Variants in SPON1 observed in about 807,000 individuals in gnomAD.
SPON1 encodes spondin 1.
Under a neutral mutation model 111.7 loss-of-function variants are expected in SPON1, and 52 were observed. That is an observed-to-expected ratio of 0.47 (90% CI 0.37 to 0.59). The LOEUF (loss-of-function observed/expected upper bound fraction) is 0.59. SPON1 is among the 20% of genes least tolerant of loss of function. The pLI is 0.00. For missense variants in SPON1, 957 were observed against 1,068.5 expected (o/e 0.90, Z 1.46); for synonymous variants, 410 against 395.8 (o/e 1.04, Z -0.43).
At chr11:14,239,389 T>C (rs147131410) in intron 6 of SPON1, among the ~76,000 whole-genome samples, 2,838 of 152,268 alleles carry the variant, frequency 0.019, 44 homozygotes, top group Middle Eastern at 0.034. Context: ...TTTTACCCTA[T>C]TTCACAGATG....
In SPON1 at chr11:14,077,776, T is replaced by C. The variant is rs140011465; in HGVS notation, c.554-2123T>C. On this transcript the variant is annotated intron_variant, in intron 4 of 15. Transcript: ENST00000576479. ...CTGGAATTACAGGCATGAGCTACCG[T>C]GCCCGGCCCTGCATACACATACTTT... Among the ~76,000 whole-genome samples, 120 of 150,736 alleles carry C rather than the reference T, an allele frequency of 8.0e-4. 2 individuals carry two copies. In the East Asian group the frequency reaches 0.022, roughly 27 times the overall value.
At chr11:14,175,571 A>G (rs1228092374) in intron 6 of SPON1, among the ~76,000 whole-genome samples, 2 of 152,204 alleles carry the variant, frequency 1.3e-5, no homozygotes, top group African/African-American at 4.8e-5. Context: ...CTACAGCCTA[A>G]GACTAGTCTC....
chr11:14,226,808 T>A (rs1848744553), intron 6 of SPON1, among the ~76,000 whole-genome samples: 1 of 152,192 alleles, frequency 6.6e-6, no homozygotes, highest in African/African-American at 2.4e-5. Flanking sequence ...AAATGAGTCT[T>A]ACAGGGCTGA....
chr11:14,082,968 T>C (rs1848975607), intron 5 of SPON1, among the ~76,000 whole-genome samples: 1 of 152,186 alleles, frequency 6.6e-6, no homozygotes, highest in African/African-American at 2.4e-5. Flanking sequence ...ACCGCTTTTG[T>C]ATGCTTAAAA....
At position 14,243,379 on chromosome 11, in the gene SPON1, C is replaced by A; in HGVS notation, c.873C>A (p.Ala291=). Residue 291 remains alanine, a synonymous_variant, in exon 7 of 16, where the codon GCC becomes GCA. Coordinates refer to ENST00000576479, the MANE Select transcript of SPON1 (RefSeq NM_006108.4). ...TCAAAGCCAAAGCCCAATGGCCAGC[C>A]TGGCAGCCTCTCAACGTGTAAGTAA... ...TVIKAKAQWP[A]WQPLNVRAAP... is the part of the protein sequence containing the mutation. 1 of 1,576,316 alleles carries A rather than the reference C, an allele frequency of 6.3e-7. No individual in the cohort carries two copies. Among genetic ancestry groups the A allele is most frequent in the East Asian group, 2.3e-5 (1 of 43,206 alleles).
chr11:14,081,060 G>A (rs1470897495), intron 5 of SPON1, among the ~76,000 whole-genome samples: 1 of 151,726 alleles, frequency 6.6e-6, no homozygotes, highest in East Asian at 1.9e-4. Context: ...CTCCAGCCTG[G>A]GCAGCAGAGC....
At chr11:14,186,161 T>G (rs570131183) in intron 6 of SPON1, among the ~76,000 whole-genome samples, 2 of 152,352 alleles carry the variant, frequency 1.3e-5, no homozygotes, top group Middle Eastern at 6.8e-3. Flanking sequence ...CAGACACATG[T>G]GACAAGTTAA....
At chr11:14,148,093 T>C (rs1591389135) in intron 6 of SPON1, among the ~76,000 whole-genome samples, 1 of 152,178 alleles carries the variant, frequency 6.6e-6, no homozygotes, top group Non-Finnish European at 1.5e-5. Context: ...TACACAGATA[T>C]ACTCACATTT....
intron 6 of SPON1, among the ~76,000 whole-genome samples, chr11:14,158,959 G>T (rs1385239224): frequency 1.3e-5 from 2 of 151,388 alleles, no homozygotes; most frequent in Admixed American, 1.3e-4. Flanking sequence ...GTCTGCAATT[G>T]TTCAAATCTT....
intron 6 of SPON1, among the ~76,000 whole-genome samples, chr11:14,157,239 G>A (rs1416527661): frequency 1.3e-5 from 2 of 151,934 alleles, no homozygotes; most frequent in African/African-American, 4.8e-5. Flanking sequence ...TTTAGAATTT[G>A]CAGGCAAAGA....
At chr11:14,084,292 T>TC (rs2133834520) in intron 5 of SPON1, among the ~76,000 whole-genome samples, 1 of 152,268 alleles carries the variant, frequency 6.6e-6, no homozygotes, top group Non-Finnish European at 1.5e-5. Context: ...ATGCTCTCCC[T>TC]CCCCTTGCCC....
At chr11:14,005,727 T>TATTA (rs61510126) in intron 2 of SPON1, among the ~76,000 whole-genome samples, 112,690 of 151,642 alleles carry the variant, frequency 0.74, 42,084 homozygotes, top group East Asian at 0.81. Flanking sequence ...AGTTGCTAAG[T>TATTA]ATTATTATAA....
intron 6 of SPON1, among the ~76,000 whole-genome samples, chr11:14,191,265 A>G (rs1037693445): frequency 2.0e-5 from 3 of 152,206 alleles, no homozygotes; most frequent in Non-Finnish European, 4.4e-5. Context: ...AGGTGGACCA[A>G]TGAGAACTAG....
At chr11:14,187,053 C>T (rs373472268) in intron 6 of SPON1, among the ~76,000 whole-genome samples, 8 of 152,152 alleles carry the variant, frequency 5.3e-5, no homozygotes, top group East Asian at 1.9e-4. Context: ...GGCATCTGCT[C>T]GGCTTCCGGT....
chr11:14,115,491 A>G (rs77057988), intron 5 of SPON1, among the ~76,000 whole-genome samples: 3,672 of 152,310 alleles, frequency 0.024, 150 homozygotes, highest in African/African-American at 0.083. Context: ...ATTTTATAAA[A>G]GGAATTTTAC....
At chr11:14,050,886 A>G (rs1234581822) in intron 3 of SPON1, among the ~76,000 whole-genome samples, 1 of 152,214 alleles carries the variant, frequency 6.6e-6, no homozygotes, top group Non-Finnish European at 1.5e-5. Flanking sequence ...AGATGCATAC[A>G]TGTGAGTATT....
intron 6 of SPON1, among the ~76,000 whole-genome samples, chr11:14,205,828 T>C (rs1848511452): frequency 6.6e-6 from 1 of 152,224 alleles, no homozygotes; most frequent in Non-Finnish European, 1.5e-5. Flanking sequence ...TCACACCTTT[T>C]GCTTCAGTCA....
chr11:13,990,373 CTT>C (rs1159719282), intron 2 of SPON1, among the ~76,000 whole-genome samples: 2 of 21,704 alleles, frequency 9.2e-5, no homozygotes, highest in Non-Finnish European at 2.0e-4. Flanking sequence ...GCAACTCCTG[CTT>C]TTTTTTTTTT....
chr11:14,155,465 G>A (rs1847834045), intron 6 of SPON1, among the ~76,000 whole-genome samples: 1 of 151,780 alleles, frequency 6.6e-6, no homozygotes, highest in East Asian at 1.9e-4. Context: ...GGAAGGCAGG[G>A]GAGGTGCCAC....
Sources: gnomAD v4.1 joint callset for allele counts (sites outside exome capture counted in the v4.1 genomes callset) on GRCh38, gnomAD v4.1.1 for gene constraint, MANE v1.5 for transcripts, NCBI Gene and HGNC (gene_info 2026-07-23, HGNC 2026-07-21) for gene names.